TMPRSS13: variants seen among roughly 807,000 people sequenced by gnomAD.
TMPRSS13 encodes transmembrane protease serine 13.
A neutral mutation model predicts 68.4 loss-of-function variants in TMPRSS13; 50 were observed. The observed-to-expected ratio is 0.73, with a 90% confidence interval of 0.58 to 0.93. TMPRSS13 has a LOEUF of 0.93. Ranked by LOEUF, TMPRSS13 falls within the 40% of genes least tolerant of loss-of-function variation. TMPRSS13 has a pLI of 0.00. For missense variants in TMPRSS13, 615 were observed against 729.2 expected, an observed-to-expected ratio of 0.84 and a Z score of 1.80; for synonymous variants, 267 against 285.8, an observed-to-expected ratio of 0.93 and a Z score of 0.66.
intron 1 of TMPRSS13, among the ~76,000 whole-genome samples, chr11:117,928,178 C>T (rs555226204): frequency 6.6e-5 from 10 of 152,330 alleles, no homozygotes; most frequent in African/African-American, 2.2e-4. Context: ...TTCTGCATGC[C>T]CTTGTGTACC....
Position 117,917,277 on chromosome 11 carries a change from A to G in TMPRSS13, c.452-3T>C, listed in dbSNP as rs1244362477. On this transcript the variant is annotated splice_polypyrimidine_tract_variant and splice_region_variant and intron_variant, in intron 2 of 12. Transcript: ENST00000524993. The stretch of plus-strand genomic sequence containing the variant: ...GGTGAACTTGGGCAGGCTCGTACCT[A>G]GGAGCAGGGCGGCAGCAGGGGAATA... 1 of 1,610,726 alleles carries G rather than the reference A, an allele frequency of 6.2e-7. No individual in the cohort carries two copies.
At chr11:117,910,602 CT>C in intron 7 of TMPRSS13, 104 bp downstream of exon 7, 2 of 1,183,750 alleles carry the variant, frequency 1.7e-6, no homozygotes, top group Non-Finnish European at 2.4e-6. Flanking sequence ...GACACTGTTC[CT>C]GACTTGAACC....
At position 117,911,862 on chromosome 11, in the gene TMPRSS13, T is replaced by C. The variant is rs900509636; in HGVS notation, c.810-2A>G. The C allele has an allele frequency of 2.5e-6, 4 of 1,613,210 alleles. 1 individual carries two copies. The highest frequency in any genetic ancestry group is 2.2e-5 in the South Asian group (2 of 91,058). ...GCAACCTCGGTTGTCCGGTGAGCACTACAAGGGAGCAGAGGGGAGAAGAAT... is the reference window on the plus strand; with the variant it reads ...GCAACCTCGGTTGTCCGGTGAGCACCACAAGGGAGCAGAGGGGAGAAGAAT... On this transcript the variant is annotated splice_acceptor_variant, in intron 5 of 12. Transcript: ENST00000524993. LOFTEE classifies it high-confidence loss of function.
intron 9 of TMPRSS13, 32 bp downstream of exon 9, chr11:117,908,580 G>A (rs1371259068): frequency 6.5e-7 from 1 of 1,546,276 alleles, no homozygotes; most frequent in Non-Finnish European, 8.7e-7. Flanking sequence ...GGGGCTGGGG[G>A]GCAGGAGAGC....
At chr11:117,903,841 G>A (rs375925946) in intron 11 of TMPRSS13, 34 bp from the exon 12 acceptor site, 1 of 1,605,320 alleles carries the variant, frequency 6.2e-7, no homozygotes, top group Non-Finnish European at 8.5e-7. Flanking sequence ...CGCAGGATGG[G>A]ACAGGTGGTC....
At chr11:117,920,615 A>G (rs2057634975) in intron 1 of TMPRSS13, among the ~76,000 whole-genome samples, 1 of 152,062 alleles carries the variant, frequency 6.6e-6, no homozygotes, top group Non-Finnish European at 1.5e-5. Flanking sequence ...CAGCCTCCCG[A>G]GAAGCTGGGA....
Position 117,915,218 on chromosome 11 carries a change from T to C in TMPRSS13, c.557-704A>G, listed in dbSNP as rs1284934770. ...CAAATCTGCTTCACGACTTCCTCCC[T>C]CTCTAACAGCAATCTCTTTCCAAAC... On this transcript the variant is annotated intron_variant, in intron 3 of 12. Coordinates refer to ENST00000524993, the MANE Select transcript of TMPRSS13 (RefSeq NM_001077263.3). The surrounding 1 kb of genome is among the most constrained non-coding windows in gnomAD (Gnocchi z 4.9). 6.6e-6 allele frequency among the ~76,000 whole-genome samples: 1 copy of C among 152,176 alleles called. No homozygotes were observed.
chr11:117,902,072 G>GCACACACA lies in TMPRSS13; in HGVS notation c.*159_*166dup, dbSNP rs3839950. The stretch of plus-strand genomic sequence containing the variant: ...TGGGAGAGTGGCAATGCACACATAT[G>GCACACACA]CACACACACACACACACACACACAC... On this transcript the variant is annotated 3_prime_UTR_variant, in exon 13 of 13. Coordinates refer to ENST00000524993, the MANE Select transcript of TMPRSS13 (RefSeq NM_001077263.3). The GCACACACA allele has an allele frequency of 2.2e-4, 144 of 647,286 alleles. 1 individual carries two copies. The African/African-American group carries it at 2.4e-3, about 11-fold the overall frequency. The allele number at this position is 647,286 out of a possible 1,614,324, so 40.1% of individuals were successfully genotyped here.
intron 9 of TMPRSS13, chr11:117,908,293 G>A (rs186475723): frequency 4.2e-4 from 232 of 550,064 alleles, no homozygotes; most frequent in African/African-American, 1.0e-3. Context: ...CTACCATAGC[G>A]TTTGGCCCCT....
Position 117,918,213 on chromosome 11 carries a change from A to AT in TMPRSS13, c.451+195dup, listed in dbSNP as rs1299877894. Among the ~76,000 whole-genome samples the AT allele has an allele frequency of 1.5e-4, 22 of 151,262 alleles. 2 individuals are homozygous for AT. The highest frequency in any genetic ancestry group is 1.4e-3 in the Admixed American group (22 of 15,196). ...TTATCACCTACCCCCTTTGCCCCTC[A>AT]TTTTCCACTGTCTCAGGTTTTCATG... On this transcript the variant is annotated intron_variant, in intron 2 of 12. Transcript: ENST00000524993.
At chr11:117,924,877 A>C (rs2057689101) in intron 1 of TMPRSS13, among the ~76,000 whole-genome samples, 1 of 152,086 alleles carries the variant, frequency 6.6e-6, no homozygotes. Flanking sequence ...GCACACACGC[A>C]GTATACAGCT....
intron 5 of TMPRSS13, among the ~76,000 whole-genome samples, 192 bp from the exon 6 acceptor site, chr11:117,912,052 C>G (rs2057528595): frequency 6.6e-6 from 1 of 152,154 alleles, no homozygotes; most frequent in African/African-American, 2.4e-5. Flanking sequence ...CACCACTGCC[C>G]CTTATCTCCC....
Position 117,905,946 on chromosome 11 carries a change from G to A in TMPRSS13, c.1283-210C>T, listed in dbSNP as rs185487960. 2.6e-5 allele frequency among the ~76,000 whole-genome samples: 4 copies of A among 152,290 alleles called. No individual in the cohort carries two copies. In the East Asian group the frequency reaches 7.7e-4, roughly 29 times the overall value. On this transcript the variant is annotated intron_variant, in intron 9 of 12. Coordinates refer to ENST00000524993, the MANE Select transcript of TMPRSS13 (RefSeq NM_001077263.3). The stretch of plus-strand genomic sequence containing the variant: ...TTATCATAACCCACCAGCATTTGGG[G>A]GCTACCAGAGTCCTCAAAGCCGTTC...
chr11:117,905,933 A>C (rs3802871), intron 9 of TMPRSS13, among the ~76,000 whole-genome samples, 197 bp from the exon 10 acceptor site: 67,513 of 151,988 alleles, frequency 0.44, 15,365 homozygotes, highest in East Asian at 0.65. Context: ...ATCATAACCC[A>C]CCAGCATTTG....
chr11:117,904,535 C>T, intron 10 of TMPRSS13, among the ~76,000 whole-genome samples: 1 of 152,084 alleles, frequency 6.6e-6, no homozygotes, highest in Non-Finnish European at 1.5e-5. Flanking sequence ...CACAGTCACA[C>T]AGCTAGTCAG....
chr11:117,902,331 G>C, intron 12 of TMPRSS13, 66 bp from the exon 13 acceptor site: 1 of 1,584,266 alleles, frequency 6.3e-7, no homozygotes, highest in Non-Finnish European at 8.7e-7. Flanking sequence ...AGAAGCCCAA[G>C]GTTGGGGTTC....
Position 117,910,688 on chromosome 11 carries a change from A to G in TMPRSS13, c.946+19T>C, listed in dbSNP as rs2057514081. On this transcript the variant is annotated intron_variant, in intron 7 of 12. Transcript: ENST00000524993. ...TCCCACACGACACTGGCCACAATCC[A>G]AGAAGAAGAACATCTTACGGGAACA... 1 of 1,604,410 alleles carries G rather than the reference A, an allele frequency of 6.2e-7. No individual in the cohort carries two copies. Among genetic ancestry groups the G allele is most frequent in the Admixed American group, 1.7e-5 (1 of 59,150 alleles).
In TMPRSS13 at chr11:117,901,444, T is replaced by G. The variant is rs564579333; in HGVS notation, c.*795A>C. ...ATCCAGTTCCTTGAGGCCAGAAATA[T>G]TCTGTAGGACTCTAAAATACGACAT... On this transcript the variant is annotated 3_prime_UTR_variant, in exon 13 of 13. Transcript: ENST00000524993. 1.3e-5 allele frequency: 2 copies of G among 152,702 alleles called. No homozygotes were observed. The highest frequency in any genetic ancestry group is 3.9e-4 in the East Asian group (2 of 5,190). 9.5% of individuals were successfully genotyped at this position (152,702 alleles called of 1,614,324 possible).
At chr11:117,910,070 G>C in intron 7 of TMPRSS13, 102 bp from the exon 8 acceptor site, 2 of 1,442,186 alleles carry the variant, frequency 1.4e-6, no homozygotes, top group South Asian at 2.6e-5. Context: ...GCCAGGACAG[G>C]CTCAGGCAGC....
Sources: allele counts gnomAD v4.1 joint callset (sites outside exome capture counted in the v4.1 genomes callset), GRCh38; gene constraint gnomAD v4.1.1; non-coding constraint Gnocchi (gnomAD v3.1); transcripts MANE v1.5; gene names NCBI Gene and HGNC (gene_info 2026-07-23, HGNC 2026-07-21).